Variants in RAB6A observed in about 807,000 individuals in gnomAD.
RAB6A encodes ras-related protein Rab-6A.
A neutral mutation model predicts 32.3 loss-of-function variants in RAB6A; 8 were observed. That is an observed-to-expected ratio of 0.25 (90% CI 0.15 to 0.45). RAB6A has a LOEUF of 0.45. Ranked by LOEUF, RAB6A falls within the 20% of genes least tolerant of loss-of-function variation. RAB6A has a pLI of 1.00. For synonymous variants in RAB6A, 73 were observed against 82.1 expected (o/e 0.89, Z 0.60); for missense variants, 104 against 249.4 (o/e 0.42, Z 3.93).
intron 1 of RAB6A, among the ~76,000 whole-genome samples, chr11:73,747,208 CT>C (rs549471454): frequency 0.017 from 2,251 of 131,620 alleles, 57 homozygotes; most frequent in African/African-American, 0.057. Context: ...CAAAATCTTC[CT>C]TTTTTTTTTT....
intron 1 of RAB6A, among the ~76,000 whole-genome samples, chr11:73,749,608 C>T (rs146893697): frequency 3.3e-5 from 5 of 152,242 alleles, no homozygotes; most frequent in Admixed American, 6.5e-5. Flanking sequence ...TTTTGGGAGG[C>T]CGAGGCCAGA....
chr11:73,689,240 C>T (rs573123877), intron 6 of RAB6A, among the ~76,000 whole-genome samples: 54 of 152,268 alleles, frequency 3.5e-4, no homozygotes, highest in African/African-American at 1.3e-3. Context: ...TTTCCATGGA[C>T]TGGGGTGCAG....
chr11:73,722,303 GTGTATATATATATATATATATATA>G (rs1946145664), intron 2 of RAB6A: 13 of 13,922 alleles, frequency 9.3e-4, no homozygotes, highest in African/African-American at 2.5e-3. Flanking sequence ...ATATGTGTGT[GTGTATATATATATATATATATATA>G]TATATATATA....
Position 73,683,433 on chromosome 11 carries a change from T to G in RAB6A, c.496-3713A>C, listed in dbSNP as rs563141012. Reference sequence around the variant, plus strand: ...ACCACACCTGGCTAATTTTTGTATTTTTTTTGTAGAAAAGAGGTTTTGCCA... The same window carrying G: ...ACCACACCTGGCTAATTTTTGTATTGTTTTTGTAGAAAAGAGGTTTTGCCA... On this transcript the variant is annotated intron_variant, in intron 6 of 7. Transcript: ENST00000336083. 2.0e-5 allele frequency among the ~76,000 whole-genome samples: 3 copies of G among 151,974 alleles called. No homozygotes were observed. In the East Asian group the frequency reaches 5.8e-4, roughly 29 times the overall value.
chr11:73,679,211 T>C (rs1945316401), intron 7 of RAB6A, among the ~76,000 whole-genome samples: 1 of 152,220 alleles, frequency 6.6e-6, no homozygotes, highest in South Asian at 2.1e-4. Context: ...GTCCCAATCC[T>C]TGGAAATGAA....
intron 7 of RAB6A, among the ~76,000 whole-genome samples, chr11:73,678,338 C>T (rs1321328178): frequency 2.0e-5 from 3 of 152,156 alleles, no homozygotes; most frequent in Admixed American, 2.0e-4. Flanking sequence ...GACTTCAGGC[C>T]GGGTGCCGTG....
chr11:73,705,825 T>C (rs1164623952), intron 6 of RAB6A, among the ~76,000 whole-genome samples: 1 of 150,206 alleles, frequency 6.7e-6, no homozygotes, highest in Non-Finnish European at 1.5e-5. Context: ...CTATGGTAAG[T>C]AATGATACTG....
intron 6 of RAB6A, among the ~76,000 whole-genome samples, chr11:73,693,058 G>A (rs1487662936): frequency 1.3e-5 from 2 of 152,124 alleles, no homozygotes; most frequent in African/African-American, 4.8e-5. Flanking sequence ...GCTGGGCACA[G>A]AGGCAGATCA....
chr11:73,720,789 T>C, intron 3 of RAB6A, 57 bp downstream of exon 3: 3 of 1,272,532 alleles, frequency 2.4e-6, no homozygotes, highest in East Asian at 2.3e-5. Context: ...ATAACTTTGA[T>C]TGCAGTTTTC....
chr11:73,739,280 A>ATACATATATATATATAT (rs1389085059), intron 1 of RAB6A, among the ~76,000 whole-genome samples: 12 of 18,420 alleles, frequency 6.5e-4, no homozygotes, highest in African/African-American at 1.4e-3. Flanking sequence ...AAAAAAAAAA[A>ATACATATATATATATAT]AAAAATATAT....
chr11:73,724,775 T>C (rs140554518), intron 2 of RAB6A, among the ~76,000 whole-genome samples: 48 of 152,310 alleles, frequency 3.2e-4, no homozygotes, highest in African/African-American at 1.1e-3. Flanking sequence ...CGTGAGCCAC[T>C]GCGCCTGGCC....
rs922417278 is a variant in RAB6A at position 73,676,899 on chromosome 11, TGGAA to T, written c.*995_*998del. The T allele has an allele frequency of 2.6e-4, 43 of 167,034 alleles. No homozygotes were observed. Among genetic ancestry groups the T allele is most frequent in the African/African-American group, 1.0e-3 (43 of 41,590 alleles). 10.3% of individuals were successfully genotyped at this position (167,034 alleles called of 1,614,324 possible). On this transcript the variant is annotated 3_prime_UTR_variant, in exon 8 of 8. Transcript: ENST00000336083. ...ATTTAAATTCTTCCACTGGTTCTTC[TGGAA>T]GGAATTAAAACTTTTACAGTGCCTT...
intron 1 of RAB6A, among the ~76,000 whole-genome samples, chr11:73,740,664 G>A (rs954534502): frequency 2.6e-5 from 4 of 151,984 alleles, no homozygotes; most frequent in African/African-American, 4.8e-5. Context: ...CAAGGCAGGC[G>A]GATCACCTGA....
intron 2 of RAB6A, among the ~76,000 whole-genome samples, chr11:73,723,714 T>C (rs2134959253): frequency 6.6e-6 from 1 of 152,116 alleles, no homozygotes; most frequent in East Asian, 1.9e-4. Context: ...CAGACAAGAA[T>C]CTATGCCCTT....
At chr11:73,737,555 C>A (rs915111153) in intron 1 of RAB6A, among the ~76,000 whole-genome samples, 3 of 152,024 alleles carry the variant, frequency 2.0e-5, no homozygotes, top group African/African-American at 7.3e-5. Flanking sequence ...CCCATAAGAG[C>A]CAAAGTGCAG....
Position 73,677,792 on chromosome 11 carries a change from T to C in RAB6A, c.*106A>G. ...AGCAATGATGAATTGCAATACGTTA[T>C]TACTGAAGGGAAAAGGTTCAAGCCA... On this transcript the variant is annotated 3_prime_UTR_variant, in exon 8 of 8. Transcript: ENST00000336083. 1.3e-6 allele frequency: 2 copies of C among 1,587,998 alleles called. No homozygotes were observed. Among genetic ancestry groups the C allele is most frequent in the East Asian group, 2.2e-5 (1 of 44,646 alleles).
chr11:73,730,664 C>T, intron 2 of RAB6A, 101 bp downstream of exon 2: 4 of 938,478 alleles, frequency 4.3e-6, no homozygotes, highest in African/African-American at 1.7e-5. Flanking sequence ...ATAGAAAGTA[C>T]TTTTACATCC....
At chr11:73,727,374 T>C (rs1946238372) in intron 2 of RAB6A, among the ~76,000 whole-genome samples, 1 of 150,828 alleles carries the variant, frequency 6.6e-6, no homozygotes, top group South Asian at 2.1e-4. Flanking sequence ...GACAATGAGC[T>C]ATGATCATGC....
At chr11:73,718,433 A>G (rs920456389) in intron 4 of RAB6A, among the ~76,000 whole-genome samples, 180 bp downstream of exon 4, 5 of 152,242 alleles carry the variant, frequency 3.3e-5, no homozygotes, top group African/African-American at 1.2e-4. Flanking sequence ...GCACAGTTAC[A>G]TATAAAGCAT....
Sources: gnomAD v4.1 joint callset for allele counts (sites outside exome capture counted in the v4.1 genomes callset) on GRCh38, gnomAD v4.1.1 for gene constraint, MANE v1.5 for transcripts, NCBI Gene and HGNC (gene_info 2026-07-23, HGNC 2026-07-21) for gene names.